The following SOX8 variants were observed in gnomAD, a reference collection of about 807,000 sequenced individuals.
SOX8 encodes the protein SRY-box transcription factor 8, also known as transcription factor SOX-8.
In SOX8, 9 loss-of-function variants were observed where a neutral mutation model predicts 22.9. The observed-to-expected ratio is 0.39, with a 90% confidence interval of 0.24 to 0.69. The LOEUF is 0.69. SOX8 is among the 30% of genes least tolerant of loss of function. SOX8 has a pLI of 0.43. For missense variants in SOX8, 734 were observed against 699.4 expected, an observed-to-expected ratio of 1.05 and a Z score of -0.56; for synonymous variants, 416 against 330.6, an observed-to-expected ratio of 1.26 and a Z score of -2.80.
At chr16:984,642 G>A (rs2073438048) in intron 2 of SOX8, 59 bp from the exon 3 acceptor site, 10 of 1,165,582 alleles carry the variant, frequency 8.6e-6, no homozygotes, top group South Asian at 3.4e-5. Flanking sequence ...CAGCCTGGCC[G>A]GCCCCACCCG....
rs2073453871 is a variant in SOX8 at position 985,613 on chromosome 16, G to A, written c.*227G>A. 3 of 504,782 alleles carry A rather than the reference G, an allele frequency of 5.9e-6. No individual in the cohort carries two copies. The East Asian group carries it at 9.9e-5, about 17-fold the overall frequency. 31.3% of individuals were successfully genotyped at this position (504,782 alleles called of 1,614,324 possible). Reference sequence around the variant, plus strand: ...TCTATCTTTCTTTTTGAGGTGGTGGGATTATTCCACAAAGAAGGGCTGCCG... The same window carrying A: ...TCTATCTTTCTTTTTGAGGTGGTGGAATTATTCCACAAAGAAGGGCTGCCG... On this transcript the variant is annotated 3_prime_UTR_variant, in exon 3 of 3. Coordinates refer to ENST00000293894, the MANE Select transcript of SOX8 (RefSeq NM_014587.5).
rs767764571 is a variant in SOX8, at chr16:985,584, C to T, written c.*198C>T. 3.8e-6 allele frequency: 2 copies of T among 531,736 alleles called. No individual in the cohort carries two copies. Among genetic ancestry groups the T allele is most frequent in the Non-Finnish European group, 6.6e-6 (2 of 305,072 alleles). The allele number at this position is 531,736 out of a possible 1,614,324, so 32.9% of individuals were successfully genotyped here. A position where few individuals can be genotyped will look rare whatever the true frequency, so the allele number is the denominator to read the frequency against. On this transcript the variant is annotated 3_prime_UTR_variant, in exon 3 of 3. Transcript: ENST00000293894. ...TGCCGACGACGGACCAGCTCCCTCT[C>T]CCTTCTATCTTTCTTTTTGAGGTGG...
In SOX8 at chr16:986,797, T is replaced by G. The variant is rs2073466203; in HGVS notation, c.*1411T>G. 1 of 142,880 alleles carries G rather than the reference T, an allele frequency of 7.0e-6. No individual in the cohort carries two copies. The highest frequency in any genetic ancestry group is 1.5e-5 in the Non-Finnish European group (1 of 64,734). The allele number at this position is 142,880 out of a possible 1,614,324, so 8.9% of individuals were successfully genotyped here. On this transcript the variant is annotated 3_prime_UTR_variant, in exon 3 of 3. Coordinates refer to ENST00000293894, the MANE Select transcript of SOX8 (RefSeq NM_014587.5). The stretch of plus-strand genomic sequence containing the variant: ...AAAAAGATAATGCCTCTGCTTCTAT[T>G]TCTCTGGGGGTGGGGGTGGGGGCCG...
rs1423374906 is a variant in SOX8 at position 985,029 on chromosome 16, C to T, written c.984C>T (p.Pro328=). 1.3e-6 allele frequency: 2 copies of T among 1,574,246 alleles called. No homozygotes were observed. Among genetic ancestry groups the T allele is most frequent in the Non-Finnish European group, 1.7e-6 (2 of 1,168,670 alleles). Reference sequence around the variant, plus strand: ...GTGCCCCGTCGGCCTCCGCGTCGCCCACCGAGACGGGTCCCCCACGGCCGC... The same window carrying T: ...GTGCCCCGTCGGCCTCCGCGTCGCCTACCGAGACGGGTCCCCCACGGCCGC... ...HKSAPSASAS[P]TETGPPRPHI... is the part of the protein sequence containing the mutation. Residue 328 remains proline, a synonymous_variant, in exon 3 of 3, where the codon CCC becomes CCT. Coordinates refer to ENST00000293894, the MANE Select transcript of SOX8 (RefSeq NM_014587.5).
Position 985,044 on chromosome 16 carries a change from C to T in SOX8, c.999C>T (p.Pro333=), listed in dbSNP as rs1319914663. 4 of 1,579,188 alleles carry T rather than the reference C, an allele frequency of 2.5e-6. No homozygotes were observed. The African/African-American group carries it at 5.4e-5, about 21-fold the overall frequency. Residue 333 remains proline, a synonymous_variant, in exon 3 of 3, where the codon CCC becomes CCT. Coordinates refer to ENST00000293894, the MANE Select transcript of SOX8 (RefSeq NM_014587.5). ...SASASPTETG[P]PRPHIKTEQP... ...CCGCGTCGCCCACCGAGACGGGTCC[C>T]CCACGGCCGCACATCAAGACGGAGC... is the stretch of plus-strand genomic sequence containing the variant.
At position 983,886 on chromosome 16, in the gene SOX8, C is replaced by A. The variant is rs768467386; in HGVS notation, c.581C>A (p.Pro194His). Reference sequence around the variant, plus strand: ...TCCGACTCGGGCGCGGAGCTGGGACCCCACCCTGGCGGCGGTGCCGTGTAC... The same window carrying A: ...TCCGACTCGGGCGCGGAGCTGGGACACCACCCTGGCGGCGGTGCCGTGTAC... The part of the protein sequence containing the change: ...SDSDSGAELG[P>H]HPGGGAVYKA... The change falls in exon 2 of 3, where the codon CCC becomes CAC. Residue 194 changes from proline to histidine, a missense_variant. Around this residue, in one of 3 missense-constraint regions of SOX8, gnomAD observed 588 missense variants for 568.2 expected, o/e 1.03. Transcript: ENST00000293894. The A allele has an allele frequency of 4.4e-5, 70 of 1,608,968 alleles. No individual in the cohort carries two copies. The highest frequency in any genetic ancestry group is 5.7e-5 in the Non-Finnish European group (67 of 1,178,020).
In SOX8 at chr16:982,066, G is replaced by A; in HGVS notation, c.144G>A (p.Ala48=). The change falls in exon 1 of 3, where the codon GCG becomes GCA. Residue 48 remains alanine, a synonymous_variant. Transcript: ENST00000293894. ...GSEGLGRAGV[A]VGGARGDPAE... ...AGGGCCTGGGCCGCGCGGGGGTCGC[G>A]GTGGGGGGCGCCCGGGGCGACCCGG... 1 of 1,296,478 alleles carries A rather than the reference G, an allele frequency of 7.7e-7. No individual in the cohort carries two copies. The highest frequency in any genetic ancestry group is 4.2e-5 in the Admixed American group (1 of 23,856). 80.3% of individuals were successfully genotyped at this position (1,296,478 alleles called of 1,614,324 possible).
At chr16:982,500 G>GAGGATGTTTTTCCAC in intron 1 of SOX8, 156 bp downstream of exon 1, 1 of 827,588 alleles carries the variant, frequency 1.2e-6, no homozygotes, top group Non-Finnish European at 1.6e-6. Context: ...GCGGGTCCCA[G>GAGGATGTTTTTCCAC]TGGAAAAACA....
Position 981,771 on chromosome 16 carries a change from G to A in SOX8, c.-152G>A. On this transcript the variant is annotated 5_prime_UTR_variant, in exon 1 of 3. Transcript: ENST00000293894. The stretch of plus-strand genomic sequence containing the variant: ...GAAACTTGTTGCGGGTCCCGCAGCG[G>A]GACCCGAGCCTCGGCGGCGGCGGCG... 2 of 222,374 alleles carry A rather than the reference G, an allele frequency of 9.0e-6. No homozygotes were observed. The highest frequency in any genetic ancestry group is 1.5e-5 in the Non-Finnish European group (2 of 132,776). The allele number at this position is 222,374 out of a possible 1,614,324, so 13.8% of individuals were successfully genotyped here. A position where few individuals can be genotyped will look rare whatever the true frequency, so the allele number is the denominator to read the frequency against.
chr16:981,884 T>A lies in SOX8; in HGVS notation c.-39T>A. 1.7e-6 allele frequency: 2 copies of A among 1,149,802 alleles called. No individual in the cohort carries two copies. The highest frequency in any genetic ancestry group is 2.1e-6 in the Non-Finnish European group (2 of 935,592). 71.2% of individuals were successfully genotyped at this position (1,149,802 alleles called of 1,614,324 possible). ...GGGCAGCCCCGGGCGCCGGCCCCGG[T>A]GCGCGTCTCCTGTGCGCGCCCCTCC... On this transcript the variant is annotated 5_prime_UTR_variant, in exon 1 of 3. Coordinates refer to ENST00000293894, the MANE Select transcript of SOX8 (RefSeq NM_014587.5).
In SOX8 at chr16:981,929, G is replaced by C. The variant is rs1380580129; in HGVS notation, c.7G>C (p.Asp3His). ML[D>H]MSEARSQPPC... ...CCCTCCGCGCGCGGCCCCGATGCTG[G>C]ACATGAGCGAGGCCCGCTCCCAGCC... Residue 3 changes from aspartate to histidine, a missense_variant, in exon 1 of 3, where the codon GAC becomes CAC. Around this residue, in one of 3 missense-constraint regions of SOX8, gnomAD observed 139 missense variants for 109.1 expected, o/e 1.27. Coordinates refer to ENST00000293894, the MANE Select transcript of SOX8 (RefSeq NM_014587.5). 4 of 1,366,294 alleles carry C rather than the reference G, an allele frequency of 2.9e-6. No individual in the cohort carries two copies. The highest frequency in any genetic ancestry group is 3.8e-6 in the Non-Finnish European group (4 of 1,056,762). The allele number at this position is 1,366,294 out of a possible 1,614,324, so 84.6% of individuals were successfully genotyped here. A position where few individuals can be genotyped will look rare whatever the true frequency, so the allele number is the denominator to read the frequency against.
intron 2 of SOX8, 94 bp downstream of exon 2, chr16:984,054 G>A (rs981801120): frequency 3.6e-6 from 4 of 1,115,208 alleles, no homozygotes; most frequent in East Asian, 2.9e-5. Context: ...GTGGAGGGGG[G>A]CAGGCGCCCT....
Position 985,625 on chromosome 16 carries a change from A to G in SOX8, c.*239A>G. 2.0e-6 allele frequency: 1 copy of G among 494,402 alleles called. No individual in the cohort carries two copies. The highest frequency in any genetic ancestry group is 3.5e-6 in the Non-Finnish European group (1 of 282,216). The allele number at this position is 494,402 out of a possible 1,614,324, so 30.6% of individuals were successfully genotyped here. On this transcript the variant is annotated 3_prime_UTR_variant, in exon 3 of 3. Transcript: ENST00000293894. ...TTTGAGGTGGTGGGATTATTCCACA[A>G]AGAAGGGCTGCCGTTTGGTCCCTCT...
intron 2 of SOX8, 79 bp from the exon 3 acceptor site, chr16:984,622 C>T: frequency 1.1e-6 from 1 of 885,300 alleles, no homozygotes; most frequent in East Asian, 2.8e-5. Context: ...CGCGGGCGTC[C>T]CTCCCCTTCC....
Position 981,846 on chromosome 16 carries a change from C to T in SOX8, c.-77C>T, listed in dbSNP as rs1469415345. 2 of 948,468 alleles carry T rather than the reference C, an allele frequency of 2.1e-6. No individual in the cohort carries two copies. Among genetic ancestry groups the T allele is most frequent in the East Asian group, 6.5e-5 (1 of 15,360 alleles). The allele number at this position is 948,468 out of a possible 1,614,324, so 58.8% of individuals were successfully genotyped here. A position where few individuals can be genotyped will look rare whatever the true frequency, so the allele number is the denominator to read the frequency against. On this transcript the variant is annotated 5_prime_UTR_variant, in exon 1 of 3. Transcript: ENST00000293894. ...GCCACCGCGCGGCGACCTCGGGTCCCGGAGCGACCGCAGGGCAGCCCCGGG... is the reference window on the plus strand; with the variant it reads ...GCCACCGCGCGGCGACCTCGGGTCCTGGAGCGACCGCAGGGCAGCCCCGGG...
chr16:983,704 C>G, intron 1 of SOX8, 24 bp from the exon 2 acceptor site: 2 of 1,603,788 alleles, frequency 1.2e-6, no homozygotes, highest in Non-Finnish European at 1.7e-6. Flanking sequence ...CCCTGGCCAT[C>G]CCTGCCTCTG....
chr16:984,943 G>T lies in SOX8; in HGVS notation c.898G>T (p.Gly300Cys), dbSNP rs1450085027. ...GGGCGGCCCCGCCCCACCCGAGCCG[G>T]GCCAGGCCTATGGGGGCGCCTACTT... is the stretch of plus-strand genomic sequence containing the variant. ...PLGGPAPPEP[G>C]QAYGGAYFHA... Residue 300 changes from glycine to cysteine, a missense_variant, in exon 3 of 3, where the codon GGC becomes TGC. Transcript: ENST00000293894. 3.1e-6 allele frequency: 5 copies of T among 1,602,394 alleles called. No individual in the cohort carries two copies. Among genetic ancestry groups the T allele is most frequent in the South Asian group, 2.2e-5 (2 of 90,144 alleles).
In SOX8 at chr16:985,791, G is replaced by C. The variant is rs567819049; in HGVS notation, c.*405G>C. ...GTCCAGGCCGGTCTTGGCGCCGAGA[G>C]CCCCTGCACTCAAGGCCACATTCCC... On this transcript the variant is annotated 3_prime_UTR_variant, in exon 3 of 3. Coordinates refer to ENST00000293894, the MANE Select transcript of SOX8 (RefSeq NM_014587.5). The C allele has an allele frequency of 5.6e-6, 1 of 178,796 alleles. No individual in the cohort carries two copies. Among genetic ancestry groups the C allele is most frequent in the Non-Finnish European group, 1.2e-5 (1 of 86,600 alleles). The allele number at this position is 178,796 out of a possible 1,614,324, so 11.1% of individuals were successfully genotyped here. A position where few individuals can be genotyped will look rare whatever the true frequency, so the allele number is the denominator to read the frequency against.
chr16:982,918 G>C (rs1371660170), intron 1 of SOX8: 1 of 149,186 alleles, frequency 6.7e-6, no homozygotes, highest in Non-Finnish European at 1.5e-5. Flanking sequence ...GAGATGACGG[G>C]GTGCGCCGTG....
Sources: gnomAD v4.1 joint callset for allele counts on GRCh38, gnomAD v4.1.1 for gene constraint, gnomAD v4.1.1 regional missense constraint, MANE v1.5 for transcripts, NCBI Gene and HGNC (gene_info 2026-07-23, HGNC 2026-07-21) for gene names.